The following ADCY1 variants were observed in gnomAD, a reference collection of about 807,000 sequenced individuals.
ADCY1 encodes the protein adenylate cyclase 1, also known as adenylate cyclase type 1.
A neutral mutation model predicts 105.4 loss-of-function variants in ADCY1; 28 were observed. The observed-to-expected ratio is 0.27, with a 90% CI of 0.20 to 0.36. ADCY1 has a LOEUF of 0.36. Ranked by LOEUF, ADCY1 falls within the 10% of genes least tolerant of loss-of-function variation. The pLI is 1.00. For missense variants in ADCY1, 977 were observed against 1,434.2 expected (o/e 0.68, Z 5.15); for synonymous variants, 655 against 623.8 (o/e 1.05, Z -0.75).
At chr7:45,674,523 G>A (rs1784421651) in intron 8 of ADCY1, among the ~76,000 whole-genome samples, 1 of 151,956 alleles carries the variant, frequency 6.6e-6, no homozygotes, top group Admixed American at 6.6e-5. Flanking sequence ...ACAGGCACCC[G>A]CCACCACGCC....
chr7:45,581,844 A>C (rs1792555404), intron 1 of ADCY1, among the ~76,000 whole-genome samples: 1 of 151,910 alleles, frequency 6.6e-6, no homozygotes. Context: ...CACACACATA[A>C]ACACACACAC....
chr7:45,660,144 C>T lies in ADCY1; in HGVS notation c.1410C>T (p.Asn470=). The T allele has an allele frequency of 6.2e-7, 1 of 1,614,242 alleles. No homozygotes were observed. Among genetic ancestry groups the T allele is most frequent in the Non-Finnish European group, 8.5e-7 (1 of 1,180,036 alleles). The part of the protein sequence containing the change: ...HERNSFLKTH[N]IETFFIVPSH... The stretch of plus-strand genomic sequence containing the variant: ...GGAACAGTTTCTTGAAAACTCATAA[C>T]ATCGAAACCTTTTTTATTGTGCCAT... The change falls in exon 7 of 20, where the codon AAC becomes AAT. Residue 470 remains asparagine, a synonymous_variant. Coordinates refer to ENST00000297323, the MANE Select transcript of ADCY1 (RefSeq NM_021116.4).
intron 10 of ADCY1, 38 bp downstream of exon 10, chr7:45,678,301 G>T (rs1176628474): frequency 1.3e-6 from 2 of 1,587,010 alleles, no homozygotes; most frequent in East Asian, 4.5e-5. Flanking sequence ...AACTCACCAA[G>T]AAGTCCCGGT....
intron 2 of ADCY1, among the ~76,000 whole-genome samples, chr7:45,601,073 A>G (rs1229425294): frequency 1.3e-5 from 2 of 152,216 alleles, no homozygotes; most frequent in Non-Finnish European, 2.9e-5. Flanking sequence ...TTTAAAAATA[A>G]GGAGATGCTG....
chr7:45,641,932 CAA>C (rs56808890), intron 4 of ADCY1, among the ~76,000 whole-genome samples: 2 of 36,402 alleles, frequency 5.5e-5, no homozygotes, highest in South Asian at 4.8e-3. Flanking sequence ...GACTCCGTCT[CAA>C]AAAAAAAAAA....
At chr7:45,654,665 G>A (rs1040610860) in intron 5 of ADCY1, among the ~76,000 whole-genome samples, 1 of 152,292 alleles carries the variant, frequency 6.6e-6, no homozygotes, top group African/African-American at 2.4e-5. Flanking sequence ...GGATTACTTC[G>A]TCTAATTATT....
rs766901434 is a variant in ADCY1 at position 45,703,343 on chromosome 7, G to A, written c.2455-33G>A. 4.4e-6 allele frequency: 7 copies of A among 1,600,124 alleles called. No homozygotes were observed. The highest frequency in any genetic ancestry group is 5.1e-6 in the Non-Finnish European group (6 of 1,167,802). Reference sequence around the variant, plus strand: ...GGGAACAAGTGAAGGCAGCGTGAGTGGATGGGACTAATGGAGGCTCATGAT... The same window carrying A: ...GGGAACAAGTGAAGGCAGCGTGAGTAGATGGGACTAATGGAGGCTCATGAT... On this transcript the variant is annotated intron_variant, in intron 14 of 19. Transcript: ENST00000297323. This position sits in a 1 kb window ranked among gnomAD's most constrained non-coding sequence, Gnocchi z 5.9.
intron 8 of ADCY1, 76 bp downstream of exon 8, chr7:45,662,290 C>A: frequency 6.7e-7 from 1 of 1,482,180 alleles, no homozygotes; most frequent in Non-Finnish European, 9.1e-7. Context: ...AATATGGCCC[C>A]CGTGCCATTT....
chr7:45,686,141 A>G lies in ADCY1; in HGVS notation c.2253A>G (p.Pro751=). 3.1e-6 allele frequency: 5 copies of G among 1,614,164 alleles called. No individual in the cohort carries two copies. Among genetic ancestry groups the G allele is most frequent in the Non-Finnish European group, 4.2e-6 (5 of 1,180,036 alleles). The change falls in exon 13 of 20, where the codon CCA becomes CCG. Residue 751 remains proline (P), a synonymous_variant. Coordinates refer to ENST00000297323, the MANE Select transcript of ADCY1 (RefSeq NM_021116.4). The surrounding 1 kb of genome is among the most constrained non-coding windows in gnomAD (Gnocchi z 4.3). Reference sequence around the variant, plus strand: ...TATTTTTCCGGGTGTCCTCCTTGCCAAAAATGATCCTGCTCTCCGGGCTCA... The same window carrying G: ...TATTTTTCCGGGTGTCCTCCTTGCCGAAAATGATCCTGCTCTCCGGGCTCA... ...LAIFFRVSSL[P]KMILLSGLTT...
intron 14 of ADCY1, among the ~76,000 whole-genome samples, chr7:45,702,743 C>T (rs1464055741): frequency 5.3e-5 from 8 of 152,234 alleles, no homozygotes; most frequent in African/African-American, 1.9e-4. Context: ...CTGCTCCTGC[C>T]ATCTGCTCTG....
chr7:45,682,501 G>A (rs914395716), intron 11 of ADCY1, among the ~76,000 whole-genome samples: 1 of 152,134 alleles, frequency 6.6e-6, no homozygotes, highest in Non-Finnish European at 1.5e-5. Flanking sequence ...AGGTCAAGGC[G>A]TCAGGCACAT....
intron 5 of ADCY1, among the ~76,000 whole-genome samples, chr7:45,655,260 C>T (rs1296872776): frequency 1.3e-5 from 2 of 152,214 alleles, no homozygotes; most frequent in Admixed American, 6.5e-5. Context: ...CCCCCTCTGC[C>T]AGAGGTGGGT....
At chr7:45,698,156 TACTCTCTTACACACACACACAC>T (rs1232895501) in intron 14 of ADCY1, among the ~76,000 whole-genome samples, 1 of 147,360 alleles carries the variant, frequency 6.8e-6, no homozygotes, top group Non-Finnish European at 1.5e-5. Flanking sequence ...CAAACACACA[TACTCTCTTACACACACACACAC>T]ACACACACAC....
chr7:45,656,521 C>G (rs763942995), intron 5 of ADCY1, among the ~76,000 whole-genome samples: 9 of 152,290 alleles, frequency 5.9e-5, no homozygotes, highest in African/African-American at 2.2e-4. Flanking sequence ...TTTTTGGGCA[C>G]AGGCCCTTGT....
intron 11 of ADCY1, chr7:45,684,256 G>A (rs1341616131): frequency 6.6e-6 from 1 of 152,310 alleles, no homozygotes; most frequent in Non-Finnish European, 1.5e-5. Context: ...CATAGAAGAA[G>A]TGATGCTGGA....
intron 17 of ADCY1, among the ~76,000 whole-genome samples, chr7:45,706,687 A>G (rs1785127818): frequency 6.6e-6 from 1 of 152,144 alleles, no homozygotes; most frequent in African/African-American, 2.4e-5. Context: ...ATGATTCATG[A>G]AAGAAAAAAT....
At chr7:45,603,638 G>C (rs1055271430) in intron 2 of ADCY1, among the ~76,000 whole-genome samples, 2 of 152,160 alleles carry the variant, frequency 1.3e-5, no homozygotes, top group South Asian at 2.1e-4. Flanking sequence ...GGACAGCCAA[G>C]ATATGGAACA....
At chr7:45,693,150 T>C (rs1784814291) in intron 14 of ADCY1, among the ~76,000 whole-genome samples, 1 of 152,224 alleles carries the variant, frequency 6.6e-6, no homozygotes, top group Non-Finnish European at 1.5e-5. Context: ...ATTACAACAC[T>C]TAAGAACCCT....
At position 45,663,740 on chromosome 7, in the gene ADCY1, A is replaced by AC. The variant is rs1795191796; in HGVS notation, c.1605+1529dup. On this transcript the variant is annotated intron_variant, in intron 8 of 19. Coordinates refer to ENST00000297323, the MANE Select transcript of ADCY1 (RefSeq NM_021116.4). ...AGGCTGAGGCAGGAGAATCGCTTTA[A>AC]CCCGGGAGGTGGAGGTTGCAGTGAG... Among the ~76,000 whole-genome samples the AC allele has an allele frequency of 2.0e-5, 3 of 151,816 alleles. No homozygotes were observed. In the East Asian group the frequency reaches 5.8e-4, roughly 29 times the overall value.
Sources: gnomAD v4.1 joint callset for allele counts (sites outside exome capture counted in the v4.1 genomes callset) on GRCh38, gnomAD v4.1.1 for gene constraint, Gnocchi (gnomAD v3.1) non-coding constraint, MANE v1.5 for transcripts, NCBI Gene and HGNC (gene_info 2026-07-23, HGNC 2026-07-21) for gene names.